PDGFRA: variants seen among roughly 807,000 people sequenced by gnomAD.
PDGFRA encodes the protein platelet derived growth factor receptor alpha, also known as platelet-derived growth factor receptor alpha.
A neutral mutation model predicts 121.5 loss-of-function variants in PDGFRA; 25 were observed. The observed-to-expected ratio is 0.21, with a 90% CI of 0.15 to 0.29. The LOEUF (loss-of-function observed/expected upper bound fraction) is 0.29. PDGFRA is among the 10% of genes least tolerant of loss of function. The pLI, the probability that PDGFRA is intolerant of heterozygous loss-of-function variation, is 1.00. For missense variants in PDGFRA, 1,008 were observed against 1,345.1 expected, an observed-to-expected ratio of 0.75 and a Z score of 3.92; for synonymous variants, 463 against 494.8, an observed-to-expected ratio of 0.94 and a Z score of 0.85.
Position 54,295,170 on chromosome 4 carries a change from T to C in PDGFRA, c.3168T>C (p.Ser1056=). 6.2e-7 allele frequency: 1 copy of C among 1,614,098 alleles called. No individual in the cohort carries two copies. Among genetic ancestry groups the C allele is most frequent in the Middle Eastern group, 1.6e-4 (1 of 6,062 alleles). Residue 1056 remains serine (S), a synonymous_variant, in exon 23 of 23, where the codon AGT becomes AGC. Coordinates refer to ENST00000257290, the MANE Select transcript of PDGFRA (RefSeq NM_006206.6). ...GTGCCATTGAGACGGGTTCCAGCAG[T>C]TCCACCTTCATCAAGAGAGAGGACG... The part of the protein sequence containing the change: ...EESAIETGSS[S]STFIKREDET...
At chr4:54,251,211 G>A (rs1465384392) in intron 1 of PDGFRA, among the ~76,000 whole-genome samples, 2 of 152,018 alleles carry the variant, frequency 1.3e-5, no homozygotes, top group African/African-American at 4.8e-5. Flanking sequence ...AGAGTTAACA[G>A]CATGGACTAA....
intron 1 of PDGFRA, among the ~76,000 whole-genome samples, chr4:54,254,546 A>T (rs1384625436): frequency 2.0e-5 from 3 of 152,152 alleles, no homozygotes; most frequent in African/African-American, 7.2e-5. Context: ...AAAGCAGTGA[A>T]CCCTTCTTTT....
chr4:54,236,307 G>A (rs1311617960), intron 1 of PDGFRA, among the ~76,000 whole-genome samples: 1 of 152,200 alleles, frequency 6.6e-6, no homozygotes, highest in Non-Finnish European at 1.5e-5. Flanking sequence ...CTCCAGAATA[G>A]CAGTTACTAA....
In PDGFRA at chr4:54,255,569, G is replaced by A. The variant is rs534443962; in HGVS notation, c.-12-3188G>A. On this transcript the variant is annotated intron_variant, in intron 1 of 22. Transcript: ENST00000257290. ...CACCCAGGCTGGAGTGCAGTGGCGC[G>A]ATCTTGGCTCACTGCAAGCTCCACC... Among the ~76,000 whole-genome samples the A allele has an allele frequency of 1.2e-3, 176 of 149,800 alleles. 1 individual carries two copies. The highest frequency in any genetic ancestry group is 4.1e-3 in the African/African-American group (166 of 40,576).
At position 54,295,290 on chromosome 4, in the gene PDGFRA, T is replaced by C. The variant is rs1352996441; in HGVS notation, c.*18T>C. ...TCCTGTAACTGGCGGATTCGAGGGG[T>C]TCCTTCCACTTCTGGGGCCACCTCT... On this transcript the variant is annotated 3_prime_UTR_variant, in exon 23 of 23. Coordinates refer to ENST00000257290, the MANE Select transcript of PDGFRA (RefSeq NM_006206.6). The C allele has an allele frequency of 1.2e-6, 2 of 1,613,560 alleles. No homozygotes were observed. The highest frequency in any genetic ancestry group is 1.7e-4 in the Middle Eastern group (1 of 5,966).
intron 1 of PDGFRA, among the ~76,000 whole-genome samples, chr4:54,235,372 CT>C (rs1236010262): frequency 6.6e-6 from 1 of 152,268 alleles, no homozygotes; most frequent in African/African-American, 2.4e-5. Flanking sequence ...GAATGTCTTG[CT>C]GTTAGTCCTT....
At chr4:54,249,979 G>A (rs1359161798) in intron 1 of PDGFRA, among the ~76,000 whole-genome samples, 1 of 152,006 alleles carries the variant, frequency 6.6e-6, no homozygotes, top group East Asian at 1.9e-4. Flanking sequence ...GTTAAGATTG[G>A]GAAGATTTGT....
chr4:54,291,024 A>C (rs923988702), intron 22 of PDGFRA, among the ~76,000 whole-genome samples: 15 of 152,168 alleles, frequency 9.9e-5, no homozygotes, highest in African/African-American at 2.9e-4. Flanking sequence ...CAAAACAACA[A>C]ATTAGAATCC....
At chr4:54,258,509 G>C (rs976724071) in intron 1 of PDGFRA, among the ~76,000 whole-genome samples, 1 of 151,982 alleles carries the variant, frequency 6.6e-6, no homozygotes, top group African/African-American at 2.4e-5. Flanking sequence ...TGGTTTAAAG[G>C]ACCATTGAAA....
At chr4:54,288,963 C>A in intron 20 of PDGFRA, 46 bp from the exon 21 acceptor site, 1 of 1,505,718 alleles carries the variant, frequency 6.6e-7, no homozygotes, top group Non-Finnish European at 9.2e-7. Flanking sequence ...GAGGGAGGGG[C>A]CCTGAGACTT....
chr4:54,233,023 C>G (rs887810687), intron 1 of PDGFRA, among the ~76,000 whole-genome samples: 1 of 151,948 alleles, frequency 6.6e-6, no homozygotes, highest in African/African-American at 2.4e-5. Flanking sequence ...CCCTCGGCCC[C>G]TTTCCCCCCA....
At chr4:54,280,807 T>G (rs1261593772) in intron 16 of PDGFRA, 2 of 177,720 alleles carry the variant, frequency 1.1e-5, no homozygotes, top group South Asian at 2.6e-4. Flanking sequence ...CCTTTTTTAT[T>G]GCTGTCTTTT....
intron 22 of PDGFRA, among the ~76,000 whole-genome samples, chr4:54,291,646 G>A (rs538986896): frequency 6.6e-6 from 1 of 152,128 alleles, no homozygotes; most frequent in South Asian, 2.1e-4. Flanking sequence ...TGGTGAGGTT[G>A]TGGAGAAAAG....
Position 54,277,808 on chromosome 4 carries a change from C to T in PDGFRA, c.1892-88C>T, listed in dbSNP as rs1236672280. On this transcript the variant is annotated intron_variant, in intron 13 of 22. Transcript: ENST00000257290. ...TCTGGTAAATAGAATGATATCCAAT[C>T]ACAGGATTAGTCATATTCTTGGTTT... is the stretch of plus-strand genomic sequence containing the variant. 34 of 849,294 alleles carry T rather than the reference C, an allele frequency of 4.0e-5. No homozygotes were observed. The East Asian group carries it at 8.2e-4, about 21-fold the overall frequency. The allele number at this position is 849,294 out of a possible 1,614,324, so 52.6% of individuals were successfully genotyped here. A position where few individuals can be genotyped will look rare whatever the true frequency, so the allele number is the denominator to read the frequency against.
intron 1 of PDGFRA, among the ~76,000 whole-genome samples, chr4:54,249,559 T>C (rs1721922426): frequency 6.6e-6 from 1 of 151,874 alleles, no homozygotes; most frequent in African/African-American, 2.4e-5. Context: ...CCGCATATTC[T>C]CACTCATAGG....
intron 16 of PDGFRA, chr4:54,280,699 A>T: frequency 2.4e-6 from 1 of 419,238 alleles, no homozygotes; most frequent in Non-Finnish European, 4.3e-6. Context: ...CAAATTTTTT[A>T]AACTTTAAAT....
chr4:54,290,499 C>T lies in PDGFRA; in HGVS notation c.3067C>T (p.Pro1023Ser). The change falls in exon 22 of 23, where the codon CCT (proline) becomes TCT (serine). Residue 1023 changes from proline to serine, a missense_variant. Pro to Ser is a moderately conservative substitution (Grantham distance 74). Coordinates refer to ENST00000257290, the MANE Select transcript of PDGFRA (RefSeq NM_006206.6). Reference sequence around the variant, plus strand: ...TGACAGTGGCTACATCATTCCTCTGCCTGACATTGACCCTGTCCCTGAGGA... The same window carrying T: ...TGACAGTGGCTACATCATTCCTCTGTCTGACATTGACCCTGTCCCTGAGGA... ...SADSGYIIPLPDIDPVPEEED... is the reference protein window; with the variant it reads ...SADSGYIIPLSDIDPVPEEED... 7 of 1,613,916 alleles carry T rather than the reference C, an allele frequency of 4.3e-6. No individual in the cohort carries two copies. The highest frequency in any genetic ancestry group is 5.9e-6 in the Non-Finnish European group (7 of 1,179,764).
At chr4:54,254,997 C>T (rs1042118464) in intron 1 of PDGFRA, among the ~76,000 whole-genome samples, 3 of 152,116 alleles carry the variant, frequency 2.0e-5, no homozygotes, top group Non-Finnish European at 2.9e-5. Context: ...GGGGGCGGTG[C>T]GACATGGCTA....
intron 8 of PDGFRA, among the ~76,000 whole-genome samples, chr4:54,271,663 C>T (rs73151456): frequency 0.029 from 4,344 of 148,034 alleles, 208 homozygotes; most frequent in African/African-American, 0.1. Context: ...TTCCTTCCTT[C>T]CTTGCTTCCT....
Sources: gnomAD v4.1 joint callset for allele counts (sites outside exome capture counted in the v4.1 genomes callset) on GRCh38, gnomAD v4.1.1 for gene constraint, MANE v1.5 for transcripts, NCBI Gene and HGNC (gene_info 2026-07-23, HGNC 2026-07-21) for gene names.